The following PPIL3 variants were observed in gnomAD, a reference collection of about 807,000 sequenced individuals.
PPIL3 encodes the protein peptidylprolyl isomerase like 3, also known as peptidyl-prolyl cis-trans isomerase-like 3.
A neutral mutation model predicts 20.9 loss-of-function variants in PPIL3; 13 were observed. The observed-to-expected ratio is 0.62, with a 90% confidence interval of 0.40 to 0.99. The LOEUF is 0.99. PPIL3 is among the 50% of genes least tolerant of loss of function. PPIL3 has a pLI of 0.00. For missense variants in PPIL3, 170 were observed against 195.2 expected (o/e 0.87, Z 0.77); for synonymous variants, 71 against 64.4 (o/e 1.10, Z -0.49).
At chr2:200,878,908 T>C (rs919720745) in intron 5 of PPIL3, among the ~76,000 whole-genome samples, 1 of 152,206 alleles carries the variant, frequency 6.6e-6, no homozygotes, top group Non-Finnish European at 1.5e-5. Context: ...ATCCACAATC[T>C]ACATAGTGAT....
chr2:200,871,983 C>A (rs1012777297), intron 6 of PPIL3, among the ~76,000 whole-genome samples: 15 of 152,134 alleles, frequency 9.9e-5, no homozygotes, highest in African/African-American at 3.1e-4. Flanking sequence ...ACTGGGACTA[C>A]AAATGCATGC....
chr2:200,884,739 CAA>C (rs746350735), intron 3 of PPIL3, among the ~76,000 whole-genome samples: 4 of 136,206 alleles, frequency 2.9e-5, no homozygotes, highest in African/African-American at 2.7e-5. Context: ...GACCCTGTCT[CAA>C]AAAAAAAAAA....
intron 5 of PPIL3, 55 bp from the exon 6 acceptor site, chr2:200,877,092 T>C (rs2039550881): frequency 2.6e-6 from 3 of 1,165,964 alleles, no homozygotes; most frequent in South Asian, 1.2e-5. Context: ...ATCCCAAATA[T>C]AGTATTGAAA....
At chr2:200,881,116 AC>A (rs1198802423) in intron 5 of PPIL3, among the ~76,000 whole-genome samples, 1 of 152,162 alleles carries the variant, frequency 6.6e-6, no homozygotes. Flanking sequence ...ATGTCATTCA[AC>A]ATGAATTTTA....
intron 2 of PPIL3, among the ~76,000 whole-genome samples, chr2:200,886,715 C>T (rs557631275): frequency 4.7e-4 from 72 of 152,220 alleles, no homozygotes; most frequent in East Asian, 3.7e-3. Context: ...CGTGAGCCAC[C>T]GCGCCTGGCC....
intron 6 of PPIL3, among the ~76,000 whole-genome samples, chr2:200,876,665 G>A (rs2039528231): frequency 6.6e-6 from 1 of 151,942 alleles, no homozygotes; most frequent in South Asian, 2.1e-4. Flanking sequence ...CTACAGGTGT[G>A]TGCCACCACA....
In PPIL3 at chr2:200,881,583, G is replaced by C; in HGVS notation, c.173-95C>G. Reference sequence around the variant, plus strand: ...TTAAGGAATACTTTATAGTTTGACTGCTTAAATATAGATAAAATTTGATAT... The same window carrying C: ...TTAAGGAATACTTTATAGTTTGACTCCTTAAATATAGATAAAATTTGATAT... On this transcript the variant is annotated intron_variant, in intron 4 of 6. Transcript: ENST00000392283. 4 of 976,772 alleles carry C rather than the reference G, an allele frequency of 4.1e-6. No individual in the cohort carries two copies. The Admixed American group carries it at 7.4e-5, about 18-fold the overall frequency. 60.5% of individuals were successfully genotyped at this position (976,772 alleles called of 1,614,324 possible).
intron 1 of PPIL3, chr2:200,888,592 T>C: frequency 4.6e-6 from 1 of 218,452 alleles, no homozygotes; most frequent in Non-Finnish European, 9.5e-6. Context: ...GGATCTCGGC[T>C]CACTGCAACC....
chr2:200,888,804 C>T, intron 1 of PPIL3, 152 bp downstream of exon 1: 1 of 384,802 alleles, frequency 2.6e-6, no homozygotes, highest in Non-Finnish European at 5.3e-6. Context: ...GGGAGGCCGC[C>T]GTGCAGGGTC....
intron 3 of PPIL3, among the ~76,000 whole-genome samples, chr2:200,883,246 G>A (rs2039806312): frequency 6.6e-6 from 1 of 150,740 alleles, no homozygotes; most frequent in Non-Finnish European, 1.5e-5. Flanking sequence ...GAGCCACCGT[G>A]CCTGGTCTTG....
At chr2:200,878,758 G>A (rs539635575) in intron 5 of PPIL3, among the ~76,000 whole-genome samples, 3 of 152,050 alleles carry the variant, frequency 2.0e-5, no homozygotes, top group Admixed American at 6.5e-5. Flanking sequence ...TAATTACATC[G>A]TAACATTTTA....
intron 2 of PPIL3, 42 bp downstream of exon 2, chr2:200,887,571 C>T: frequency 6.7e-7 from 1 of 1,487,460 alleles, no homozygotes; most frequent in Non-Finnish European, 9.3e-7. Flanking sequence ...CTAAAAATTA[C>T]TTATAATGAA....
At chr2:200,877,200 A>T (rs370684423) in intron 5 of PPIL3, among the ~76,000 whole-genome samples, 163 bp from the exon 6 acceptor site, 163 of 152,178 alleles carry the variant, frequency 1.1e-3, no homozygotes, top group African/African-American at 3.4e-3. Flanking sequence ...GGCTCAAGTG[A>T]TCCTCCTGCC....
At chr2:200,881,269 C>G in intron 5 of PPIL3, 152 bp downstream of exon 5, 1 of 611,836 alleles carries the variant, frequency 1.6e-6, no homozygotes, top group South Asian at 2.3e-5. Flanking sequence ...TTTCTCAAGT[C>G]TCCCCGACAT....
intron 6 of PPIL3, 96 bp downstream of exon 6, chr2:200,876,823 T>C: frequency 1.0e-6 from 1 of 983,292 alleles, no homozygotes; most frequent in Non-Finnish European, 1.6e-6. Flanking sequence ...GCGCTCGGCC[T>C]CACTCTTTTC....
upstream of PPIL3, chr2:200,889,131 C>T (rs1373748960): frequency 6.8e-6 from 3 of 443,928 alleles, no homozygotes; most frequent in South Asian, 1.6e-5. Flanking sequence ...CTCCCCTCAT[C>T]TTCCTATCTC....
chr2:200,887,527 T>G, intron 2 of PPIL3, 86 bp downstream of exon 2: 2 of 1,029,378 alleles, frequency 1.9e-6, no homozygotes, highest in Non-Finnish European at 2.9e-6. Flanking sequence ...GCCACTGCAA[T>G]TTCCATGAAC....
intron 6 of PPIL3, among the ~76,000 whole-genome samples, chr2:200,873,988 G>A (rs936449265): frequency 6.6e-6 from 1 of 151,448 alleles, no homozygotes; most frequent in Admixed American, 6.6e-5. Flanking sequence ...GGCGGATCAC[G>A]AGGTCGGGAG....
intron 3 of PPIL3, chr2:200,885,370 C>CA (rs905336049): frequency 1.2e-3 from 378 of 323,998 alleles, no homozygotes; most frequent in Middle Eastern, 3.3e-3. Flanking sequence ...GACTCCATCT[C>CA]AAAAAAAAAT....
Sources: gnomAD v4.1 joint callset for allele counts (sites outside exome capture counted in the v4.1 genomes callset) on GRCh38, gnomAD v4.1.1 for gene constraint, MANE v1.5 for transcripts, NCBI Gene and HGNC (gene_info 2026-07-23, HGNC 2026-07-21) for gene names.